DNAH11: variants seen among roughly 807,000 people sequenced by gnomAD.
DNAH11 encodes the protein dynein axonemal heavy chain 11, also known as axonemal beta dynein heavy chain 11.
In DNAH11, 442 loss-of-function variants were observed where a neutral mutation model predicts 526.0. That is an observed-to-expected ratio of 0.84 (90% CI 0.78 to 0.91). The LOEUF is 0.91. DNAH11 is among the 40% of genes least tolerant of loss of function. The pLI is 0.00. For synonymous variants in DNAH11, 2,461 were observed against 1,935.9 expected, an observed-to-expected ratio of 1.27 and a Z score of -7.12; for missense variants, 6,989 against 5,448.7, an observed-to-expected ratio of 1.28 and a Z score of -8.90.
At position 21,589,311 on chromosome 7, in the gene DNAH11, A is replaced by T. The variant is rs377237884; in HGVS notation, c.2077A>T (p.Asn693Tyr). The change falls in exon 12 of 82, where the codon AAT becomes TAT. Residue 693 changes from asparagine to tyrosine, a missense_variant. Transcript: ENST00000409508. ...TCGTATCTATAATGAATGGAAAAGTAATGTGGATGAAATCTGTGAATTCAA... is the reference window on the plus strand; with the variant it reads ...TCGTATCTATAATGAATGGAAAAGTTATGTGGATGAAATCTGTGAATTCAA... ...ESRIYNEWKS[N>Y]VDEICEFNLN... is the part of the protein sequence containing the mutation. 90 of 1,611,182 alleles carry T rather than the reference A, an allele frequency of 5.6e-5. No individual in the cohort carries two copies. The highest frequency in any genetic ancestry group is 7.3e-5 in the Non-Finnish European group (86 of 1,178,934).
intron 65 of DNAH11, among the ~76,000 whole-genome samples, 195 bp downstream of exon 65, chr7:21,818,534 G>T (rs1329862530): frequency 6.6e-6 from 1 of 152,110 alleles, no homozygotes; most frequent in Non-Finnish European, 1.5e-5. Flanking sequence ...GATGGATTTA[G>T]ATTTGTTTTA....
At position 21,638,896 on chromosome 7, in the gene DNAH11, T is replaced by C. The variant is rs546964929; in HGVS notation, c.4818-43T>C. The C allele has an allele frequency of 1.4e-4, 216 of 1,569,268 alleles. No homozygotes were observed. In the East Asian group the frequency reaches 4.8e-3, roughly 35 times the overall value. On this transcript the variant is annotated intron_variant, in intron 27 of 81. Coordinates refer to ENST00000409508, the MANE Select transcript of DNAH11 (RefSeq NM_001277115.2). ...TTTGTTTTGCCGAAGTTTTAATGAC[T>C]GAAGGGACAAGATATGCTTAAAAAC...
At chr7:21,832,417 G>A (rs1018460567) in intron 65 of DNAH11, among the ~76,000 whole-genome samples, 6 of 152,016 alleles carry the variant, frequency 3.9e-5, no homozygotes, top group African/African-American at 7.2e-5. Context: ...TTTCTCCTTC[G>A]CTTATGAAGC....
At chr7:21,839,457 C>G (rs1172217138) in intron 65 of DNAH11, among the ~76,000 whole-genome samples, 1 of 151,662 alleles carries the variant, frequency 6.6e-6, no homozygotes, top group Non-Finnish European at 1.5e-5. Context: ...CGCCTGTAGT[C>G]CCAGCTACTC....
intron 74 of DNAH11, 95 bp from the exon 75 acceptor site, chr7:21,880,607 T>C: frequency 7.4e-7 from 1 of 1,345,064 alleles, no homozygotes; most frequent in Non-Finnish European, 1.0e-6. Context: ...AGTATCTCAC[T>C]CTCAAAGTTC....
intron 75 of DNAH11, among the ~76,000 whole-genome samples, chr7:21,883,219 T>C (rs757134775): frequency 7.9e-5 from 12 of 152,250 alleles, no homozygotes; most frequent in Non-Finnish European, 1.3e-4. Flanking sequence ...GCGAAGGCTA[T>C]AATTATAATT....
chr7:21,870,497 TC>T (rs200260892), intron 73 of DNAH11, among the ~76,000 whole-genome samples: 4,234 of 152,238 alleles, frequency 0.028, 82 homozygotes, highest in Non-Finnish European at 0.042. Flanking sequence ...GTTCGCTTTT[TC>T]AGAGAAAACA....
At chr7:21,647,087 C>T (rs927404185) in intron 28 of DNAH11, among the ~76,000 whole-genome samples, 2 of 152,074 alleles carry the variant, frequency 1.3e-5, no homozygotes, top group African/African-American at 4.8e-5. Context: ...TAAGTGAGAC[C>T]TGGAAAATAT....
intron 74 of DNAH11, among the ~76,000 whole-genome samples, chr7:21,875,521 G>T (rs1439247082): frequency 2.6e-5 from 4 of 152,120 alleles, no homozygotes; most frequent in Non-Finnish European, 5.9e-5. Context: ...CATTGGGCCA[G>T]ACACAGTGCC....
At chr7:21,720,047 C>T (rs756236871) in intron 43 of DNAH11, among the ~76,000 whole-genome samples, 6 of 152,300 alleles carry the variant, frequency 3.9e-5, no homozygotes, top group South Asian at 4.1e-4. Context: ...CCGCCCAGCA[C>T]GTTGCCATTT....
At chr7:21,701,564 A>T (rs1269354289) in intron 36 of DNAH11, among the ~76,000 whole-genome samples, 1 of 152,194 alleles carries the variant, frequency 6.6e-6, no homozygotes, top group East Asian at 1.9e-4. Flanking sequence ...TGCTGAGATG[A>T]CAGGCATGAG....
At chr7:21,891,376 C>G (rs549809389) in intron 76 of DNAH11, among the ~76,000 whole-genome samples, 2 of 152,208 alleles carry the variant, frequency 1.3e-5, no homozygotes, top group East Asian at 3.9e-4. Context: ...CACATACAGA[C>G]AGGATTTACG....
At chr7:21,710,475 G>C in intron 40 of DNAH11, 78 bp from the exon 41 acceptor site, 1 of 1,342,458 alleles carries the variant, frequency 7.4e-7, no homozygotes. Context: ...TTTTTATTTA[G>C]TTAATAAAAG....
intron 25 of DNAH11, among the ~76,000 whole-genome samples, chr7:21,622,965 A>T (rs1158713074): frequency 1.3e-5 from 2 of 152,090 alleles, no homozygotes; most frequent in African/African-American, 4.8e-5. Context: ...AAAATTGACA[A>T]ATGGGATCTA....
chr7:21,884,257 C>T, intron 75 of DNAH11, 34 bp from the exon 76 acceptor site: 3 of 1,572,380 alleles, frequency 1.9e-6, no homozygotes, highest in South Asian at 2.4e-5. Flanking sequence ...GACTCTGCAC[C>T]CAGCAGTGAA....
In DNAH11 at chr7:21,789,455, T is replaced by A. The variant is rs1010849728; in HGVS notation, c.10026+113T>A. On this transcript the variant is annotated intron_variant, in intron 61 of 81. Transcript: ENST00000409508. ...TGAGCCCTATCAAGCAGAAAGGAAT[T>A]CGATCTTCCATGAGTGTATTTCCTT... is the stretch of plus-strand genomic sequence containing the variant. The A allele has an allele frequency of 4.7e-6, 3 of 642,176 alleles. No homozygotes were observed. In the African/African-American group the frequency reaches 5.5e-5, roughly 12 times the overall value. The allele number at this position is 642,176 out of a possible 1,614,324, so 39.8% of individuals were successfully genotyped here.
rs78076606 is a variant in DNAH11, at chr7:21,807,402, A to T, written c.10166-481A>T. On this transcript the variant is annotated intron_variant, in intron 62 of 81. Coordinates refer to ENST00000409508, the MANE Select transcript of DNAH11 (RefSeq NM_001277115.2). ...TAGTCCCAGCTACTTGAGAGGCTGA[A>T]GTGAGAAGATGGCTTAAGCCCAGGA... Among the ~76,000 whole-genome samples the T allele has an allele frequency of 7.6e-4, 115 of 152,212 alleles. No homozygotes were observed. In the East Asian group the frequency reaches 0.022, roughly 29 times the overall value.
chr7:21,590,798 C>T (rs1200216110), intron 12 of DNAH11, 120 bp from the exon 13 acceptor site: 1 of 610,176 alleles, frequency 1.6e-6, no homozygotes, highest in Non-Finnish European at 2.5e-6. Flanking sequence ...AGTCTATTTA[C>T]CTTGATTTGG....
chr7:21,571,824 T>G lies in DNAH11; in HGVS notation c.1444T>G (p.Leu482Val), dbSNP rs575246582. ...IKIEDIFATTLEFEKLERLEF... is the reference protein window; with the variant it reads ...IKIEDIFATTVEFEKLERLEF... ...TACAAAGGATATATTTGCCACCACT[T>G]TGGAATTTGAAAAGCTGGAAAGACT... is the stretch of plus-strand genomic sequence containing the variant. Residue 482 changes from leucine (L) to valine (V), a missense_variant, in exon 8 of 82, where the codon TTG becomes GTG. Coordinates refer to ENST00000409508, the MANE Select transcript of DNAH11 (RefSeq NM_001277115.2). 5.0e-6 allele frequency: 8 copies of G among 1,612,526 alleles called. No individual in the cohort carries two copies. In the East Asian group the frequency reaches 1.8e-4, roughly 36 times the overall value.
Sources: allele counts gnomAD v4.1 joint callset (sites outside exome capture counted in the v4.1 genomes callset), GRCh38; gene constraint gnomAD v4.1.1; transcripts MANE v1.5; gene names NCBI Gene and HGNC (gene_info 2026-07-23, HGNC 2026-07-21).